PLXNA4: variants seen among roughly 807,000 people sequenced by gnomAD.
The protein encoded by PLXNA4 is plexin A4, also known as plexin-A4.
Under a neutral mutation model 191.8 loss-of-function variants are expected in PLXNA4, and 44 were observed. That is an observed-to-expected ratio of 0.23 (90% CI 0.18 to 0.29). PLXNA4 has a LOEUF of 0.29. Ranked by LOEUF, PLXNA4 falls within the 10% of genes least tolerant of loss-of-function variation. The pLI is 1.00. For missense variants in PLXNA4, 1,800 were observed against 2,488.8 expected, an observed-to-expected ratio of 0.72 and a Z score of 5.89; for synonymous variants, 1,082 against 1,009.5, an observed-to-expected ratio of 1.07 and a Z score of -1.36.
At chr7:132,267,140 T>C (rs1799888961) in intron 4 of PLXNA4, among the ~76,000 whole-genome samples, 1 of 152,128 alleles carries the variant, frequency 6.6e-6, no homozygotes, top group African/African-American at 2.4e-5. Flanking sequence ...ACACTATCTC[T>C]TGCCTCAGAA....
intron 4 of PLXNA4, among the ~76,000 whole-genome samples, chr7:132,259,969 T>C (rs1265931637): frequency 6.6e-6 from 1 of 152,112 alleles, no homozygotes; most frequent in Admixed American, 6.5e-5. Context: ...AGATATAATC[T>C]CATACCTGTC....
Position 132,164,081 on chromosome 7 carries a change from G to C in PLXNA4, c.4500+61C>G, listed in dbSNP as rs535273527. On this transcript the variant is annotated intron_variant, in intron 24 of 31. Coordinates refer to ENST00000321063, the MANE Select transcript of PLXNA4 (RefSeq NM_020911.2). ...TTCAGCCATCTCCACTGCTGAGCAG[G>C]GCTACCCAGGATGGAAGCCCGCCTG... 729 of 1,605,636 alleles carry C rather than the reference G, an allele frequency of 4.5e-4. 14 individuals are homozygous for C. In the South Asian group the frequency reaches 7.6e-3, roughly 17 times the overall value.
In PLXNA4 at chr7:132,235,877, C is replaced by T. The variant is rs1004982334; in HGVS notation, c.1604+5189G>A. On this transcript the variant is annotated intron_variant, in intron 5 of 31. Transcript: ENST00000321063. Reference sequence around the variant, plus strand: ...AGGGCGAAGGCAGGGTGGGCTTGTACGCTTTCCTTTACCTTCACCCAAGTC... The same window carrying T: ...AGGGCGAAGGCAGGGTGGGCTTGTATGCTTTCCTTTACCTTCACCCAAGTC... Among the ~76,000 whole-genome samples the T allele has an allele frequency of 7.2e-5, 11 of 152,292 alleles. 1 individual carries two copies. The highest frequency in any genetic ancestry group is 2.6e-4 in the Admixed American group (4 of 15,308).
intron 3 of PLXNA4, chr7:132,385,371 TC>T: frequency 6.7e-7 from 1 of 1,494,176 alleles, no homozygotes. Context: ...ATTCCCCTCC[TC>T]CTTTCTGTTT....
chr7:132,229,301 T>C (rs139060720), intron 5 of PLXNA4, among the ~76,000 whole-genome samples: 49 of 152,344 alleles, frequency 3.2e-4, no homozygotes, highest in Admixed American at 1.4e-3. Context: ...GTGGACCATG[T>C]CCAGTGTGAC....
chr7:132,436,738 G>A (rs1050763239), intron 3 of PLXNA4, among the ~76,000 whole-genome samples: 1 of 152,220 alleles, frequency 6.6e-6, no homozygotes, highest in Admixed American at 6.5e-5. Context: ...TAGTGAAAAG[G>A]TCAGTGAGCG....
chr7:132,625,503 T>C (rs1176340474), intron 2 of PLXNA4, among the ~76,000 whole-genome samples: 2 of 152,160 alleles, frequency 1.3e-5, no homozygotes, highest in Non-Finnish European at 2.9e-5. Flanking sequence ...CTGTAGAGCA[T>C]TGATCCTCTG....
chr7:132,217,408 C>T (rs542567845), intron 9 of PLXNA4, among the ~76,000 whole-genome samples: 1 of 152,228 alleles, frequency 6.6e-6, no homozygotes, highest in East Asian at 1.9e-4. Flanking sequence ...AATTTATAGC[C>T]CCTAGTGTGT....
At chr7:132,234,724 A>C (rs1292793635) in intron 5 of PLXNA4, among the ~76,000 whole-genome samples, 1 of 152,006 alleles carries the variant, frequency 6.6e-6, no homozygotes. Flanking sequence ...TTGGAGAGGA[A>C]AATTCCAATG....
chr7:132,563,459 T>C (rs1205487940), intron 1 of PLXNA4, among the ~76,000 whole-genome samples: 580 of 25,632 alleles, frequency 0.023, no homozygotes, highest in Middle Eastern at 0.038. Context: ...TCCTCCTCCT[T>C]CTCCTCCTCC....
intron 2 of PLXNA4, among the ~76,000 whole-genome samples, chr7:132,626,066 C>T (rs1000282354): frequency 1.3e-5 from 2 of 152,170 alleles, no homozygotes; most frequent in Non-Finnish European, 2.9e-5. Flanking sequence ...TTATACAGAA[C>T]CCAGCCTTAC....
intron 3 of PLXNA4, among the ~76,000 whole-genome samples, chr7:132,458,940 T>C (rs1796403772): frequency 6.6e-6 from 1 of 152,174 alleles, no homozygotes; most frequent in Non-Finnish European, 1.5e-5. Context: ...GTTTGCCTAT[T>C]ACCATAATTA....
At chr7:132,563,387 CTCCTCT>C (rs1801453224) in intron 1 of PLXNA4, among the ~76,000 whole-genome samples, 7 of 104,140 alleles carry the variant, frequency 6.7e-5, no homozygotes, top group Non-Finnish European at 9.9e-5. Flanking sequence ...TCTCCTCCTC[CTCCTCT>C]TTCTCCTCCT....
intron 3 of PLXNA4, among the ~76,000 whole-genome samples, chr7:132,388,147 G>C (rs908790290): frequency 2.0e-5 from 3 of 152,142 alleles, no homozygotes; most frequent in Non-Finnish European, 4.4e-5. Context: ...AGATTCATAA[G>C]AGACTTCTAT....
intron 3 of PLXNA4, among the ~76,000 whole-genome samples, chr7:132,429,634 C>T (rs926277266): frequency 5.3e-5 from 8 of 152,160 alleles, no homozygotes; most frequent in African/African-American, 1.9e-4. Context: ...TCATTCTTCA[C>T]TTGTGAGCTA....
chr7:132,318,702 C>G (rs1435436386), intron 3 of PLXNA4, among the ~76,000 whole-genome samples: 1 of 147,860 alleles, frequency 6.8e-6, no homozygotes, highest in Non-Finnish European at 1.5e-5. Flanking sequence ...CTCCCCCACT[C>G]CAATCTCATC....
chr7:132,523,439 CA>C (rs1275538558), intron 1 of PLXNA4, among the ~76,000 whole-genome samples: 2 of 152,096 alleles, frequency 1.3e-5, no homozygotes, highest in African/African-American at 4.8e-5. Context: ...AATGTAAATG[CA>C]AAGACACTGA....
intron 3 of PLXNA4, among the ~76,000 whole-genome samples, chr7:132,357,877 C>A (rs888575920): frequency 6.6e-6 from 1 of 152,164 alleles, no homozygotes; most frequent in Non-Finnish European, 1.5e-5. Context: ...TAAATAAATA[C>A]CAGCTCTGGG....
chr7:132,220,497 G>T (rs1584862354), intron 9 of PLXNA4, among the ~76,000 whole-genome samples: 1 of 152,118 alleles, frequency 6.6e-6, no homozygotes, highest in African/African-American at 2.4e-5. Flanking sequence ...CTACCCCAGA[G>T]CCCCTCCCTG....
Sources: gnomAD v4.1 joint callset for allele counts (sites outside exome capture counted in the v4.1 genomes callset) on GRCh38, gnomAD v4.1.1 for gene constraint, MANE v1.5 for transcripts, NCBI Gene and HGNC (gene_info 2026-07-23, HGNC 2026-07-21) for gene names.